MYO7B: variants seen among roughly 807,000 people sequenced by gnomAD.
The protein encoded by MYO7B is unconventional myosin-VIIb.
Under a neutral mutation model 259.7 loss-of-function variants are expected in MYO7B, and 212 were observed. The ratio of observed to expected loss-of-function variants is 0.82; its 90% CI spans 0.73 to 0.91. The LOEUF is 0.91. MYO7B is among the 40% of genes least tolerant of loss of function. MYO7B has a pLI of 0.00. For missense variants in MYO7B, 2,732 were observed against 2,813.5 expected (o/e 0.97, Z 0.66); for synonymous variants, 1,197 against 1,166.4 (o/e 1.03, Z -0.54).
intron 24 of MYO7B, among the ~76,000 whole-genome samples, chr2:127,612,037 C>G (rs943741928): frequency 6.6e-6 from 1 of 152,150 alleles, no homozygotes; most frequent in African/African-American, 2.4e-5. Flanking sequence ...CCCTGAGCCT[C>G]TGATTCCACA....
At chr2:127,550,298 G>T (rs983301178) in intron 1 of MYO7B, among the ~76,000 whole-genome samples, 1 of 152,166 alleles carries the variant, frequency 6.6e-6, no homozygotes, top group African/African-American at 2.4e-5. Flanking sequence ...AGGCGCAGTG[G>T]CTCATGCCTG....
In MYO7B at chr2:127,566,748, C is replaced by T; in HGVS notation, c.391C>T (p.Pro131Ser). ...CTACAGCCGCCATATGGGCGAGCTGCCCCCGCATGTCTTTGCCATCGCCAA... is the reference window on the plus strand; with the variant it reads ...CTACAGCCGCCATATGGGCGAGCTGTCCCCGCATGTCTTTGCCATCGCCAA... ...LYYSRHMGEL[P>S]PHVFAIANNC... The change falls in exon 5 of 48, where the codon CCC (proline) becomes TCC (serine). Residue 131 changes from proline (P) to serine (S), a missense_variant. Pro to Ser is a moderately conservative substitution (Grantham distance 74). Coordinates refer to ENST00000409816, the MANE Select transcript of MYO7B (RefSeq NM_001393586.1). 1.2e-6 allele frequency: 2 copies of T among 1,612,768 alleles called. No individual in the cohort carries two copies. The highest frequency in any genetic ancestry group is 8.5e-7 in the Non-Finnish European group (1 of 1,179,844).
In MYO7B at chr2:127,634,210, A is replaced by T. The variant is rs768095367; in HGVS notation, c.5546A>T (p.Asp1849Val). Residue 1849 changes from aspartate to valine, a missense_variant, in exon 41 of 48, where the codon GAT becomes GTT. Physicochemically the swap from Asp to Val is radical, Grantham distance 152. Coordinates refer to ENST00000409816, the MANE Select transcript of MYO7B (RefSeq NM_001393586.1). ...LEVVANTRVR[D>V]VCDSIATRLQ... The stretch of plus-strand genomic sequence containing the variant: ...GTGGTTGCCAACACACGGGTGCGGG[A>T]TGTGTGTGACAGCATTGCCACCAGG... 1 of 1,604,572 alleles carries T rather than the reference A, an allele frequency of 6.2e-7. No homozygotes were observed. The highest frequency in any genetic ancestry group is 1.3e-5 in the African/African-American group (1 of 74,554).
intron 1 of MYO7B, among the ~76,000 whole-genome samples, chr2:127,545,623 C>T (rs1047542001): frequency 6.6e-6 from 1 of 152,248 alleles, no homozygotes; most frequent in African/African-American, 2.4e-5. Context: ...AGGGCCTTGT[C>T]TGGCCTGGTG....
chr2:127,631,105 G>T lies in MYO7B; in HGVS notation c.4938-101G>T, dbSNP rs545111192. The T allele has an allele frequency of 4.0e-5, 58 of 1,442,984 alleles. No homozygotes were observed. The South Asian group carries it at 8.3e-4, about 21-fold the overall frequency. The allele number at this position is 1,442,984 out of a possible 1,614,324, so 89.4% of individuals were successfully genotyped here. A position where few individuals can be genotyped will look rare whatever the true frequency, so the allele number is the denominator to read the frequency against. ...GGAGGGGCTTGCGGCAGGGTGGGGTGCTCTGGCCCTCCCACAGCCACTCAG... is the reference window on the plus strand; with the variant it reads ...GGAGGGGCTTGCGGCAGGGTGGGGTTCTCTGGCCCTCCCACAGCCACTCAG... On this transcript the variant is annotated intron_variant, in intron 36 of 47. Transcript: ENST00000409816.
At chr2:127,570,543 G>A (rs937570930) in intron 6 of MYO7B, among the ~76,000 whole-genome samples, 2 of 152,202 alleles carry the variant, frequency 1.3e-5, no homozygotes, top group Admixed American at 6.5e-5. Flanking sequence ...CCGTGGCCTC[G>A]GCCCCAAGGC....
At chr2:127,632,034 G>A (rs1297600323) in intron 38 of MYO7B, among the ~76,000 whole-genome samples, 1 of 152,216 alleles carries the variant, frequency 6.6e-6, no homozygotes, top group Non-Finnish European at 1.5e-5. Flanking sequence ...CACAAAATGG[G>A]TGCAATGCCC....
chr2:127,537,659 TAAG>T (rs1285297698), intron 1 of MYO7B, among the ~76,000 whole-genome samples: 3 of 146,884 alleles, frequency 2.0e-5, no homozygotes, highest in Non-Finnish European at 3.0e-5. Context: ...TATAGAAGAA[TAAG>T]AAGAAGGAAT....
rs1267984920 is a variant in MYO7B, at chr2:127,634,201, G to A, written c.5537G>A (p.Arg1846Gln). The change falls in exon 41 of 48, where the codon CGG (arginine) becomes CAG (glutamine). Residue 1846 changes from arginine to glutamine, a missense_variant. By Grantham distance (43) the Arg-to-Gln change is conservative. Around this residue, in one of 3 missense-constraint regions of MYO7B, gnomAD observed 821 missense variants for 769.3 expected, o/e 1.07. Coordinates refer to ENST00000409816, the MANE Select transcript of MYO7B (RefSeq NM_001393586.1). ...SEMLEVVANT[R>Q]VRDVCDSIAT... ...ATGCTGGAGGTGGTTGCCAACACAC[G>A]GGTGCGGGATGTGTGTGACAGCATT... 2.2e-5 allele frequency: 35 copies of A among 1,606,546 alleles called. No homozygotes were observed. Among genetic ancestry groups the A allele is most frequent in the South Asian group, 3.3e-5 (3 of 89,654 alleles).
intron 19 of MYO7B, among the ~76,000 whole-genome samples, chr2:127,601,911 T>C (rs1332774467): frequency 4.6e-5 from 7 of 152,200 alleles, no homozygotes; most frequent in African/African-American, 1.7e-4. Context: ...TTCCATTACA[T>C]ATCATTTCAC....
chr2:127,572,444 T>C (rs1678681591), intron 6 of MYO7B, among the ~76,000 whole-genome samples: 1 of 148,558 alleles, frequency 6.7e-6, no homozygotes, highest in Admixed American at 6.7e-5. Flanking sequence ...CTTTTCTGTC[T>C]TTCCTTCCTT....
Position 127,596,561 on chromosome 2 carries a change from C to G in MYO7B, c.2339+5C>G. 2 of 1,606,738 alleles carry G rather than the reference C, an allele frequency of 1.2e-6. No individual in the cohort carries two copies. The highest frequency in any genetic ancestry group is 1.7e-6 in the Non-Finnish European group (2 of 1,176,874). ...CCTTCGGGGCTACAGATACAGGTGC[C>G]GGCCCCACCCCAAGGCCCACCCAGC... On this transcript the variant is annotated splice_donor_5th_base_variant and intron_variant, in intron 19 of 47. Transcript: ENST00000409816.
Position 127,637,307 on chromosome 2 carries a change from CCT to C in MYO7B, c.6328-8_6328-7del. The C allele has an allele frequency of 1.9e-6, 3 of 1,571,008 alleles. No individual in the cohort carries two copies. The highest frequency in any genetic ancestry group is 1.7e-6 in the Non-Finnish European group (2 of 1,157,292). On this transcript the variant is annotated splice_region_variant and splice_polypyrimidine_tract_variant and intron_variant, in intron 47 of 47. Coordinates refer to ENST00000409816, the MANE Select transcript of MYO7B (RefSeq NM_001393586.1). ...CCCACAGCCTCTGACCCCCCCGTCC[CCT>C]GTCCAGGGCTATAAGATGGATGACC...
intron 1 of MYO7B, among the ~76,000 whole-genome samples, chr2:127,538,068 G>C (rs1461244831): frequency 6.6e-6 from 1 of 152,196 alleles, no homozygotes; most frequent in Non-Finnish European, 1.5e-5. Context: ...TGAGTGGTCA[G>C]AGGAGGCGGT....
chr2:127,629,858 G>A, intron 35 of MYO7B, 32 bp downstream of exon 35: 1 of 1,522,764 alleles, frequency 6.6e-7, no homozygotes. Context: ...CCTCAGCCTG[G>A]GTACCCGAGG....
chr2:127,575,764 G>T (rs1678842719), intron 7 of MYO7B, among the ~76,000 whole-genome samples: 1 of 151,996 alleles, frequency 6.6e-6, no homozygotes, highest in African/African-American at 2.4e-5. Flanking sequence ...GAGACTAGAG[G>T]TGTTTACCAC....
At chr2:127,553,874 G>C (rs1422247477) in intron 1 of MYO7B, among the ~76,000 whole-genome samples, 1 of 152,106 alleles carries the variant, frequency 6.6e-6, no homozygotes, top group Admixed American at 6.6e-5. Context: ...TCCCCAATCA[G>C]TATTATGTTG....
At chr2:127,578,012 G>A in intron 8 of MYO7B, 121 bp from the exon 9 acceptor site, 1 of 1,167,586 alleles carries the variant, frequency 8.6e-7, no homozygotes. Flanking sequence ...GAGTTTTTGA[G>A]CGTGGACCCT....
At chr2:127,554,949 AT>A (rs113240086) in intron 1 of MYO7B, among the ~76,000 whole-genome samples, 3,032 of 135,868 alleles carry the variant, frequency 0.022, 19 homozygotes, top group South Asian at 0.041. Flanking sequence ...TTTCTAATTG[AT>A]TTTTTTTTTT....
Sources: gnomAD v4.1 joint callset for allele counts (sites outside exome capture counted in the v4.1 genomes callset) on GRCh38, gnomAD v4.1.1 for gene constraint, gnomAD v4.1.1 regional missense constraint, MANE v1.5 for transcripts, NCBI Gene and HGNC (gene_info 2026-07-23, HGNC 2026-07-21) for gene names.